NFATC3: variants seen among roughly 807,000 people sequenced by gnomAD.
NFATC3 encodes the protein nuclear factor of activated T cells 3.
Under a neutral mutation model 98.6 loss-of-function variants are expected in NFATC3, and 46 were observed. The ratio of observed to expected loss-of-function variants is 0.47; its 90% CI spans 0.37 to 0.60. NFATC3 has a LOEUF of 0.60. Among genes scored for constraint, NFATC3 ranks in the 20% least tolerant of loss-of-function variants. The pLI is 0.00. For synonymous variants in NFATC3, 512 were observed against 472.2 expected (o/e 1.08, Z -1.09); for missense variants, 1,256 against 1,295.5 (o/e 0.97, Z 0.47).
intron 9 of NFATC3, among the ~76,000 whole-genome samples, chr16:68,220,646 G>A (rs1336484946): frequency 3.4e-5 from 5 of 148,494 alleles, no homozygotes; most frequent in Non-Finnish European, 7.4e-5. Context: ...GGTGGCTCAC[G>A]CCTGTAATCC....
At chr16:68,211,962 C>T (rs958289175) in intron 9 of NFATC3, among the ~76,000 whole-genome samples, 2 of 152,202 alleles carry the variant, frequency 1.3e-5, no homozygotes, top group African/African-American at 4.8e-5. Context: ...TCTGAAAGTA[C>T]CACTGAATTC....
chr16:68,207,004 T>G (rs1250947672), intron 9 of NFATC3, among the ~76,000 whole-genome samples: 1 of 136,336 alleles, frequency 7.3e-6, no homozygotes, highest in African/African-American at 2.8e-5. Context: ...CGCATACATA[T>G]TAAAAAAAAA....
intron 9 of NFATC3, among the ~76,000 whole-genome samples, chr16:68,219,463 G>A (rs2041773081): frequency 6.6e-6 from 1 of 152,236 alleles, no homozygotes. Context: ...TTGGGGCAGG[G>A]CTCTGAAGCG....
intron 3 of NFATC3, among the ~76,000 whole-genome samples, chr16:68,143,189 G>C (rs948170918): frequency 6.8e-6 from 1 of 147,680 alleles, no homozygotes; most frequent in African/African-American, 2.5e-5. Flanking sequence ...ACTGTAGCCT[G>C]GGAAACAGCA....
rs2151431414 is a variant in NFATC3, at chr16:68,085,797, C to A, written c.103+13C>A. On this transcript the variant is annotated intron_variant, in intron 1 of 9. Coordinates refer to ENST00000346183, the MANE Select transcript of NFATC3 (RefSeq NM_173165.3). The stretch of plus-strand genomic sequence containing the variant: ...TCGCGGCCTGCAGGTGGGTGCCGGG[C>A]CAGGCGGGACCGTGGAGCGACCCCG... The A allele has an allele frequency of 2.8e-6, 4 of 1,437,126 alleles. No homozygotes were observed. Among genetic ancestry groups the A allele is most frequent in the Admixed American group, 3.1e-5 (1 of 32,188 alleles). 89.0% of individuals were successfully genotyped at this position (1,437,126 alleles called of 1,614,324 possible). A position where few individuals can be genotyped will look rare whatever the true frequency, so the allele number is the denominator to read the frequency against.
intron 9 of NFATC3, among the ~76,000 whole-genome samples, chr16:68,212,938 C>T (rs1288120720): frequency 4.7e-5 from 7 of 148,414 alleles, no homozygotes; most frequent in Admixed American, 1.3e-4. Flanking sequence ...TACAGGCGCC[C>T]GCCACCACGC....
At chr16:68,114,294 T>C (rs1455370935) in intron 1 of NFATC3, among the ~76,000 whole-genome samples, 1 of 152,056 alleles carries the variant, frequency 6.6e-6, no homozygotes, top group Non-Finnish European at 1.5e-5. Context: ...TGAGAGAACC[T>C]GGATACCTCA....
At chr16:68,224,114 C>T (rs2041960779) in intron 9 of NFATC3, among the ~76,000 whole-genome samples, 1 of 134,730 alleles carries the variant, frequency 7.4e-6, no homozygotes, top group Non-Finnish European at 1.5e-5. Context: ...GACACGGTGG[C>T]ATGCACCAGT....
intron 3 of NFATC3, among the ~76,000 whole-genome samples, chr16:68,133,155 A>G (rs1304632473): frequency 6.6e-6 from 1 of 152,086 alleles, no homozygotes; most frequent in African/African-American, 2.4e-5. Flanking sequence ...AATCTCAGCT[A>G]CTCAGGAGGC....
intron 1 of NFATC3, among the ~76,000 whole-genome samples, chr16:68,114,484 G>T (rs966272663): frequency 4.6e-5 from 7 of 151,840 alleles, no homozygotes; most frequent in Non-Finnish European, 1.0e-4. Context: ...TAATTGTTTA[G>T]TCACTTTAAA....
chr16:68,120,651 G>A (rs1567507386), intron 1 of NFATC3, among the ~76,000 whole-genome samples: 1 of 151,508 alleles, frequency 6.6e-6, no homozygotes, highest in Non-Finnish European at 1.5e-5. Flanking sequence ...ACTGAGACAG[G>A]AGGCAGGAGA....
intron 3 of NFATC3, among the ~76,000 whole-genome samples, chr16:68,151,954 A>T (rs1766912883): frequency 1.3e-5 from 2 of 151,528 alleles, no homozygotes; most frequent in African/African-American, 4.9e-5. Flanking sequence ...CTGTAATCCC[A>T]GTTACTTGGA....
chr16:68,178,108 T>G (rs1376019717), intron 6 of NFATC3, among the ~76,000 whole-genome samples: 2 of 152,190 alleles, frequency 1.3e-5, no homozygotes, highest in African/African-American at 2.4e-5. Context: ...TTGTTTTCCT[T>G]CTTTTTGAGA....
chr16:68,208,536 C>G (rs2041243246), intron 9 of NFATC3, among the ~76,000 whole-genome samples: 2 of 152,026 alleles, frequency 1.3e-5, no homozygotes, highest in African/African-American at 2.4e-5. Flanking sequence ...CGTGGGCCCA[C>G]CTGGCCAACA....
chr16:68,201,640 T>C (rs897292528), intron 9 of NFATC3, among the ~76,000 whole-genome samples: 2 of 151,584 alleles, frequency 1.3e-5, no homozygotes, highest in Non-Finnish European at 2.9e-5. Context: ...TTTTTGTTTG[T>C]TTCTTTTAAA....
At chr16:68,225,506 A>G (rs2042010460) in intron 9 of NFATC3, 1 of 152,236 alleles carries the variant, frequency 6.6e-6, no homozygotes, top group African/African-American at 2.4e-5. Flanking sequence ...AAGGCTGTAT[A>G]TTCCATTTTA....
intron 2 of NFATC3, among the ~76,000 whole-genome samples, chr16:68,123,930 G>A (rs1379093248): frequency 6.6e-6 from 1 of 151,836 alleles, no homozygotes; most frequent in Non-Finnish European, 1.5e-5. Context: ...GCTGCAGTGA[G>A]CTGAGATTAT....
At chr16:68,137,771 G>A (rs1355436201) in intron 3 of NFATC3, among the ~76,000 whole-genome samples, 1 of 151,542 alleles carries the variant, frequency 6.6e-6, no homozygotes, top group African/African-American at 2.4e-5. Context: ...CCGCCACCAC[G>A]CCCAGCTAAT....
At chr16:68,204,624 G>A (rs996169331) in intron 9 of NFATC3, among the ~76,000 whole-genome samples, 2 of 152,200 alleles carry the variant, frequency 1.3e-5, no homozygotes, top group African/African-American at 2.4e-5. Flanking sequence ...TGTGTTTTTA[G>A]TGGCTTCTAA....
Sources: gnomAD v4.1 joint callset for allele counts (sites outside exome capture counted in the v4.1 genomes callset) on GRCh38, gnomAD v4.1.1 for gene constraint, MANE v1.5 for transcripts, NCBI Gene and HGNC (gene_info 2026-07-23, HGNC 2026-07-21) for gene names.